PARL: variants seen among roughly 807,000 people sequenced by gnomAD.
PARL encodes presenilin-associated rhomboid-like protein, mitochondrial.
A neutral mutation model predicts 51.6 loss-of-function variants in PARL; 44 were observed. The ratio of observed to expected loss-of-function variants is 0.85; its 90% CI spans 0.67 to 1.10. The LOEUF (loss-of-function observed/expected upper bound fraction) is 1.10, where lower values mean the gene tolerates loss of function less well. Ranked by LOEUF, PARL falls within the 50% of genes least tolerant of loss-of-function variation. The probability of loss-of-function intolerance (pLI) is 0.00; values close to 1 mark genes in which losing one functional copy is unlikely to be tolerated. For synonymous variants in PARL, 172 were observed against 164.0 expected (o/e 1.05, Z -0.37); for missense variants, 441 against 469.5 (o/e 0.94, Z 0.56).
At chr3:183,841,755 A>G (rs1032181495) in intron 6 of PARL, among the ~76,000 whole-genome samples, 1 of 152,218 alleles carries the variant, frequency 6.6e-6, no homozygotes, top group Non-Finnish European at 1.5e-5. Context: ...AAACGATACC[A>G]TCTTCAAGAC....
intron 4 of PARL, chr3:183,856,573 G>A (rs570987736): frequency 6.6e-6 from 1 of 152,390 alleles, no homozygotes; most frequent in East Asian, 1.9e-4. Flanking sequence ...AAGAAACCCA[G>A]AGAGACTGTC....
chr3:183,855,509 T>C (rs1731047400), intron 4 of PARL, among the ~76,000 whole-genome samples: 1 of 152,152 alleles, frequency 6.6e-6, no homozygotes, highest in East Asian at 1.9e-4. Context: ...TGTTAGACAA[T>C]TTTTCCATAG....
At position 183,884,793 on chromosome 3, in the gene PARL, A is replaced by AC; in HGVS notation, c.53dup (p.Ala19CysfsTer26). 1 of 1,592,566 alleles carries AC rather than the reference A, an allele frequency of 6.3e-7. No individual in the cohort carries two copies. Among genetic ancestry groups the AC allele is most frequent in the Non-Finnish European group, 8.5e-7 (1 of 1,176,236 alleles). On this transcript the variant is annotated frameshift_variant, in exon 1 of 10. Transcript: ENST00000317096. LOFTEE classifies it high-confidence loss of function. ...CGCAGCTGCGGCCGCCCACCGACGC[A>AC]CCCCACGCCTGGCCGCAGCCCCAGC... is the stretch of plus-strand genomic sequence containing the variant.
intron 4 of PARL, among the ~76,000 whole-genome samples, chr3:183,854,687 A>G (rs1160662394): frequency 1.3e-5 from 2 of 151,740 alleles, no homozygotes; most frequent in Non-Finnish European, 2.9e-5. Context: ...ACTGAACTCT[A>G]CTGAACTATA....
intron 4 of PARL, among the ~76,000 whole-genome samples, chr3:183,860,074 T>C (rs1414039333): frequency 6.6e-6 from 1 of 150,400 alleles, no homozygotes; most frequent in African/African-American, 2.4e-5. Context: ...AAAAAACCCA[T>C]TCGGAAAACA....
intron 9 of PARL, among the ~76,000 whole-genome samples, chr3:183,831,792 C>CTTCT: frequency 6.6e-6 from 1 of 152,084 alleles, no homozygotes; most frequent in South Asian, 2.1e-4. Context: ...TAGATTAAAG[C>CTTCT]TTTTAGAAAA....
chr3:183,877,077 G>A (rs1000743323), intron 1 of PARL, among the ~76,000 whole-genome samples: 2 of 152,180 alleles, frequency 1.3e-5, no homozygotes, highest in Non-Finnish European at 2.9e-5. Context: ...AACTGGGCAT[G>A]GTGGTGGGTG....
At chr3:183,844,448 G>A in intron 4 of PARL, 122 bp from the exon 5 acceptor site, 1 of 706,722 alleles carries the variant, frequency 1.4e-6, no homozygotes, top group Non-Finnish European at 2.5e-6. Flanking sequence ...CTGGGGGATA[G>A]GGGGTGAGCC....
chr3:183,862,701 T>A, intron 4 of PARL, 52 bp downstream of exon 4: 1 of 1,410,978 alleles, frequency 7.1e-7, no homozygotes, highest in South Asian at 1.1e-5. Flanking sequence ...CTGTACCTTT[T>A]GGTTTGATTT....
intron 9 of PARL, among the ~76,000 whole-genome samples, chr3:183,831,142 A>G (rs1435277265): frequency 6.6e-6 from 1 of 152,036 alleles, no homozygotes; most frequent in African/African-American, 2.4e-5. Context: ...CGCCCGGCTA[A>G]TTTTTGTATT....
At chr3:183,833,148 G>A (rs1041096482) in intron 9 of PARL, among the ~76,000 whole-genome samples, 1 of 152,190 alleles carries the variant, frequency 6.6e-6, no homozygotes, top group Non-Finnish European at 1.5e-5. Context: ...CAGGGGAGAG[G>A]AGGGCAGGAA....
downstream of PARL, among the ~76,000 whole-genome samples, chr3:183,827,440 CCT>C (rs376426355): frequency 4.4e-4 from 54 of 123,826 alleles, no homozygotes; most frequent in African/African-American, 1.5e-3. Flanking sequence ...AGAGAGAGAC[CCT>C]GTCTCAAATA....
In PARL at chr3:183,833,608, C is replaced by G. The variant is rs571441055; in HGVS notation, c.931-19G>C. 2.9e-4 allele frequency: 452 copies of G among 1,570,666 alleles called. 5 individuals carry two copies. In the South Asian group the frequency reaches 4.7e-3, roughly 16 times the overall value. ...TCAGGGCCTGAAAGGCAGCAAGAAACAAGCGGCACAACTGTGATTGCTCCA... is the reference window on the plus strand; with the variant it reads ...TCAGGGCCTGAAAGGCAGCAAGAAAGAAGCGGCACAACTGTGATTGCTCCA... On this transcript the variant is annotated intron_variant, in intron 8 of 9. Coordinates refer to ENST00000317096, the MANE Select transcript of PARL (RefSeq NM_018622.7).
intron 1 of PARL, among the ~76,000 whole-genome samples, chr3:183,869,898 T>A (rs903559575): frequency 6.6e-6 from 1 of 152,072 alleles, no homozygotes; most frequent in Non-Finnish European, 1.5e-5. Flanking sequence ...CAAAATAGAA[T>A]TAACTCATTC....
chr3:183,875,221 C>T (rs1337040473), intron 1 of PARL, among the ~76,000 whole-genome samples: 1 of 151,936 alleles, frequency 6.6e-6, no homozygotes, highest in Non-Finnish European at 1.5e-5. Flanking sequence ...TCGAGACCAG[C>T]CTGGCCAACA....
At chr3:183,834,886 C>CAAAAAAAAAAAAAAAAAAAAA (rs60078452) in intron 7 of PARL, among the ~76,000 whole-genome samples, 1 of 108,678 alleles carries the variant, frequency 9.2e-6, no homozygotes, top group African/African-American at 3.9e-5. Flanking sequence ...ACTAAAAATA[C>CAAAAAAAAAAAAAAAAAAAAA]AAAAAAAAAA....
chr3:183,832,811 T>A (rs6443905), intron 9 of PARL, among the ~76,000 whole-genome samples: 7,500 of 152,210 alleles, frequency 0.049, 228 homozygotes, highest in Middle Eastern at 0.1. Flanking sequence ...AGGAAGCAGT[T>A]TAGCAACCAA....
chr3:183,864,695 G>C (rs1732244351), intron 3 of PARL, among the ~76,000 whole-genome samples: 1 of 151,686 alleles, frequency 6.6e-6, no homozygotes, highest in Admixed American at 6.6e-5. Flanking sequence ...AGAATGGCGT[G>C]AACCCGGGAG....
intron 7 of PARL, among the ~76,000 whole-genome samples, chr3:183,839,921 G>C (rs1729094183): frequency 6.6e-6 from 1 of 151,810 alleles, no homozygotes; most frequent in Non-Finnish European, 1.5e-5. Flanking sequence ...TTTTTGTACA[G>C]ATAGGATCTT....
Sources: gnomAD v4.1 joint callset for allele counts (sites outside exome capture counted in the v4.1 genomes callset) on GRCh38, gnomAD v4.1.1 for gene constraint, MANE v1.5 for transcripts, NCBI Gene and HGNC (gene_info 2026-07-23, HGNC 2026-07-21) for gene names.